Variants in MAML3 observed in about 807,000 individuals in gnomAD.
MAML3 encodes mastermind like transcriptional coactivator 3.
MAML3 carries 27 observed loss-of-function variants against 101.9 expected under a neutral mutation model. The observed-to-expected ratio is 0.27, with a 90% CI of 0.20 to 0.37. The LOEUF is 0.37. Ranked by LOEUF, MAML3 falls within the 10% of genes least tolerant of loss-of-function variation. The pLI is 1.00. For missense variants in MAML3, 1,316 were observed against 1,444.9 expected, an observed-to-expected ratio of 0.91 and a Z score of 1.45; for synonymous variants, 501 against 555.9, an observed-to-expected ratio of 0.90 and a Z score of 1.39.
chr4:140,099,060 T>C (rs1466239668), intron 1 of MAML3, among the ~76,000 whole-genome samples: 1 of 152,226 alleles, frequency 6.6e-6, no homozygotes, highest in East Asian at 1.9e-4. Flanking sequence ...ATAAAATCAG[T>C]TATGAGGCCA....
chr4:139,967,756 G>A (rs1034145705), intron 1 of MAML3, among the ~76,000 whole-genome samples: 2 of 152,102 alleles, frequency 1.3e-5, no homozygotes, highest in African/African-American at 2.4e-5. Flanking sequence ...GGACAAAGGG[G>A]AAACAGCCTC....
chr4:140,066,303 T>C (rs1477281333), intron 1 of MAML3, among the ~76,000 whole-genome samples: 1 of 152,234 alleles, frequency 6.6e-6, no homozygotes, highest in African/African-American at 2.4e-5. Flanking sequence ...TTGAAGTTGC[T>C]GTCAGGAGTA....
chr4:139,851,730 A>C (rs998003460), intron 2 of MAML3, among the ~76,000 whole-genome samples: 1 of 152,204 alleles, frequency 6.6e-6, no homozygotes, highest in African/African-American at 2.4e-5. Context: ...AAATAGGAAA[A>C]CATGGCTATG....
chr4:140,058,687 T>C (rs182829939), intron 1 of MAML3, among the ~76,000 whole-genome samples: 101 of 152,274 alleles, frequency 6.6e-4, no homozygotes, highest in African/African-American at 2.2e-3. Context: ...TGTTCTAGCT[T>C]TCTGGTATTC....
chr4:140,153,514 CCT>C lies in MAML3; in HGVS notation c.-189_-188del. 1.6e-6 allele frequency: 1 copy of C among 617,296 alleles called. No homozygotes were observed. Among genetic ancestry groups the C allele is most frequent in the Non-Finnish European group, 2.6e-6 (1 of 380,882 alleles). 38.2% of individuals were successfully genotyped at this position (617,296 alleles called of 1,614,324 possible). On this transcript the variant is annotated 5_prime_UTR_variant, in exon 1 of 5. Transcript: ENST00000509479. ...GGAGATTTTGGGGTGGTTTTTGTTT[CCT>C]TTTTTTAAACTGTAAAAGCTCAAGG...
intron 1 of MAML3, among the ~76,000 whole-genome samples, chr4:140,069,369 AAGAAGAAGAAGAAGAAGG>A (rs1727593096): frequency 7.5e-6 from 1 of 133,906 alleles, no homozygotes; most frequent in Non-Finnish European, 1.6e-5. Flanking sequence ...GGAGAAGAAG[AAGAAGAAGAAGAAGAAGG>A]AGGAGGAGGA....
chr4:140,126,870 C>A (rs553225060), intron 1 of MAML3, among the ~76,000 whole-genome samples: 3 of 152,198 alleles, frequency 2.0e-5, no homozygotes, highest in Admixed American at 6.5e-5. Flanking sequence ...CTCAGTCCCC[C>A]CTGTCTACTC....
chr4:139,942,088 C>T (rs1450444336), intron 1 of MAML3, among the ~76,000 whole-genome samples: 4 of 151,882 alleles, frequency 2.6e-5, no homozygotes, highest in African/African-American at 7.3e-5. Flanking sequence ...GAGCAAAGAT[C>T]GTGCCACTAT....
intron 1 of MAML3, among the ~76,000 whole-genome samples, chr4:139,959,732 T>G (rs1435530996): frequency 6.6e-6 from 1 of 152,204 alleles, no homozygotes; most frequent in East Asian, 1.9e-4. Flanking sequence ...GCTGATTTCT[T>G]CCATGCTGCT....
intron 1 of MAML3, among the ~76,000 whole-genome samples, chr4:140,078,612 C>A (rs1454902140): frequency 1.3e-5 from 2 of 152,026 alleles, no homozygotes; most frequent in Non-Finnish European, 2.9e-5. Context: ...GCAATCTGTG[C>A]CTTCAGAACA....
intron 1 of MAML3, among the ~76,000 whole-genome samples, chr4:140,015,051 G>C (rs1726620562): frequency 6.6e-6 from 1 of 151,918 alleles, no homozygotes; most frequent in South Asian, 2.1e-4. Flanking sequence ...TGAAAATGAG[G>C]CAAGTACAAA....
In MAML3 at chr4:139,719,925, C is replaced by G; in HGVS notation, c.2815G>C (p.Ala939Pro). The change falls in exon 5 of 5, where the codon GCC becomes CCC. Residue 939 changes from alanine (A) to proline (P), a missense_variant. By Grantham distance (27) the Ala-to-Pro change is conservative. Coordinates refer to ENST00000509479, the MANE Select transcript of MAML3 (RefSeq NM_018717.5). Reference sequence around the variant, plus strand: ...GGAGGGGCTTGGGGCCTAGGCAAGGCCTGGCCTACTGGCCCTTTCATCTGT... The same window carrying G: ...GGAGGGGCTTGGGGCCTAGGCAAGGGCTGGCCTACTGGCCCTTTCATCTGT... Reference protein sequence around the residue: ...HPQMKGPVGQALPRPQAPPRL... With the variant: ...HPQMKGPVGQPLPRPQAPPRL... 3 of 1,614,074 alleles carry G rather than the reference C, an allele frequency of 1.9e-6. No homozygotes were observed. Among genetic ancestry groups the G allele is most frequent in the Non-Finnish European group, 2.5e-6 (3 of 1,179,908 alleles).
chr4:139,781,074 C>G (rs1357952435), intron 2 of MAML3, among the ~76,000 whole-genome samples: 3 of 152,154 alleles, frequency 2.0e-5, no homozygotes, highest in Non-Finnish European at 4.4e-5. Flanking sequence ...ACTGGTTTCA[C>G]TAGCTCCTTA....
At chr4:140,021,960 G>A (rs1726740395) in intron 1 of MAML3, among the ~76,000 whole-genome samples, 1 of 152,154 alleles carries the variant, frequency 6.6e-6, no homozygotes, top group African/African-American at 2.4e-5. Flanking sequence ...AGAGATATGG[G>A]AACTGGGACA....
chr4:140,139,378 C>G (rs1178947690), intron 1 of MAML3, among the ~76,000 whole-genome samples: 1 of 152,082 alleles, frequency 6.6e-6, no homozygotes, highest in Non-Finnish European at 1.5e-5. Context: ...CTGAAACACT[C>G]ACTTTTTGAG....
At chr4:139,924,597 C>G (rs1733185680) in intron 1 of MAML3, among the ~76,000 whole-genome samples, 1 of 152,018 alleles carries the variant, frequency 6.6e-6, no homozygotes, top group Non-Finnish European at 1.5e-5. Flanking sequence ...TAAATGATTA[C>G]TAAAATCATT....
At chr4:139,882,086 A>G (rs1732230374) in intron 2 of MAML3, among the ~76,000 whole-genome samples, 1 of 152,202 alleles carries the variant, frequency 6.6e-6, no homozygotes, top group African/African-American at 2.4e-5. Context: ...TAAAAATGTG[A>G]TAAAATGAAA....
chr4:139,738,004 G>T (rs1579378302), intron 2 of MAML3, among the ~76,000 whole-genome samples: 1 of 152,388 alleles, frequency 6.6e-6, no homozygotes, highest in East Asian at 1.9e-4. Flanking sequence ...TGCGAAGGCT[G>T]CTAAATGGGT....
At chr4:140,141,721 G>A (rs868769175) in intron 1 of MAML3, among the ~76,000 whole-genome samples, 2 of 152,126 alleles carry the variant, frequency 1.3e-5, no homozygotes, top group Admixed American at 1.3e-4. Flanking sequence ...CCAAATACAC[G>A]GCCTTTAAAA....
Sources: allele counts gnomAD v4.1 joint callset (sites outside exome capture counted in the v4.1 genomes callset), GRCh38; gene constraint gnomAD v4.1.1; transcripts MANE v1.5; gene names NCBI Gene and HGNC (gene_info 2026-07-23, HGNC 2026-07-21).